The following TYW1B variants were observed in gnomAD, a reference collection of about 807,000 sequenced individuals.
The protein encoded by TYW1B is S-adenosyl-L-methionine-dependent tRNA 4-demethylwyosine synthase TYW1B.
In TYW1B, 73 loss-of-function variants were observed where a neutral mutation model predicts 86.9. That is an observed-to-expected ratio of 0.84 (90% confidence interval 0.70 to 1.02). The LOEUF is 1.02. Among genes scored for constraint, TYW1B ranks in the 50% least tolerant of loss-of-function variants. The pLI, the probability that TYW1B is intolerant of heterozygous loss-of-function variation, is 0.00. For synonymous variants in TYW1B, 248 were observed against 292.8 expected (o/e 0.85, Z 1.56); for missense variants, 637 against 827.4 (o/e 0.77, Z 2.82).
chr7:72,667,485 C>T (rs1169133491), intron 11 of TYW1B, among the ~76,000 whole-genome samples: 2 of 152,090 alleles, frequency 1.3e-5, no homozygotes, highest in African/African-American at 2.4e-5. Context: ...GAGGCCAACC[C>T]GGGCAGATAG....
chr7:72,738,167 A>C (rs1787234118), intron 8 of TYW1B, among the ~76,000 whole-genome samples: 4 of 142,138 alleles, frequency 2.8e-5, no homozygotes, highest in African/African-American at 5.3e-5. Flanking sequence ...TGCAACCTCC[A>C]CCTCCTGGGT....
chr7:72,595,895 G>C (rs1811519261), intron 13 of TYW1B, among the ~76,000 whole-genome samples: 1 of 151,916 alleles, frequency 6.6e-6, no homozygotes, highest in African/African-American at 2.4e-5. Context: ...GTCAACACTG[G>C]CCGGGCACGG....
chr7:72,744,021 C>T (rs1787351315), intron 8 of TYW1B, among the ~76,000 whole-genome samples: 1 of 151,834 alleles, frequency 6.6e-6, no homozygotes, highest in African/African-American at 2.4e-5. Context: ...TGAAACACAA[C>T]ATTCACTGCT....
At chr7:72,576,828 A>T (rs1373060035) in intron 13 of TYW1B, among the ~76,000 whole-genome samples, 1 of 149,318 alleles carries the variant, frequency 6.7e-6, no homozygotes, top group African/African-American at 2.4e-5. Context: ...ACTATCTTTT[A>T]AAAAACTTCG....
At chr7:72,702,833 G>C (rs1814505393) in intron 10 of TYW1B, among the ~76,000 whole-genome samples, 1 of 151,530 alleles carries the variant, frequency 6.6e-6, no homozygotes, top group Non-Finnish European at 1.5e-5. Flanking sequence ...AATTTCCACA[G>C]GTAAAAAAAA....
At chr7:72,607,771 T>A (rs539627622) in intron 13 of TYW1B, among the ~76,000 whole-genome samples, 1 of 151,862 alleles carries the variant, frequency 6.6e-6, no homozygotes. Flanking sequence ...AGAAATAAGA[T>A]GAGGCTGAAA....
chr7:72,590,454 GC>G (rs1428670572), intron 13 of TYW1B, among the ~76,000 whole-genome samples: 6 of 152,166 alleles, frequency 3.9e-5, no homozygotes, highest in Non-Finnish European at 8.8e-5. Flanking sequence ...GACTTCAAGG[GC>G]CAGTGCTTCC....
intron 9 of TYW1B, among the ~76,000 whole-genome samples, chr7:72,720,070 C>A (rs1554457021): frequency 6.6e-6 from 1 of 152,038 alleles, no homozygotes; most frequent in African/African-American, 2.4e-5. Context: ...AAGGTGGTGA[C>A]ACTGGAGGTG....
At chr7:72,586,237 G>A (rs1438956745) in intron 13 of TYW1B, among the ~76,000 whole-genome samples, 4 of 152,180 alleles carry the variant, frequency 2.6e-5, no homozygotes, top group Non-Finnish European at 2.9e-5. Flanking sequence ...TCTCCCAGCA[G>A]GGATGTGTGA....
chr7:72,692,965 A>G (rs1359464549), intron 11 of TYW1B, among the ~76,000 whole-genome samples: 1 of 152,130 alleles, frequency 6.6e-6, no homozygotes, highest in African/African-American at 2.4e-5. Flanking sequence ...TGTCAAAGTA[A>G]GCGCTGGGCA....
In TYW1B at chr7:72,828,110, A is replaced by T; in HGVS notation, c.-35T>A. ...AGCCGACAGGAGACTAGGATCTCGG[A>T]CCTGGAGAGCCCAAAGGTTCGCACT... On this transcript the variant is annotated 5_prime_UTR_variant, in exon 1 of 14. Transcript: ENST00000620995. 2 of 1,613,412 alleles carry T rather than the reference A, an allele frequency of 1.2e-6. No homozygotes were observed. Among genetic ancestry groups the T allele is most frequent in the Non-Finnish European group, 1.7e-6 (2 of 1,179,760 alleles).
At chr7:72,810,445 A>G in intron 4 of TYW1B, 26 bp downstream of exon 4, 1 of 1,584,304 alleles carries the variant, frequency 6.3e-7, no homozygotes, top group South Asian at 1.2e-5. Flanking sequence ...GGGAGAATTT[A>G]TTCCTATAAT....
intron 11 of TYW1B, among the ~76,000 whole-genome samples, chr7:72,629,397 G>T (rs139566544): frequency 6.6e-6 from 1 of 152,176 alleles, no homozygotes; most frequent in African/African-American, 2.4e-5. Flanking sequence ...TTAGTGACAA[G>T]AATTGTTAGC....
chr7:72,731,070 C>G (rs4121333), intron 8 of TYW1B, among the ~76,000 whole-genome samples: 3 of 144,408 alleles, frequency 2.1e-5, no homozygotes. Context: ...CAGCAGATTT[C>G]TCAGCAGAAA....
At chr7:72,770,133 T>G (rs1165946720) in intron 7 of TYW1B, among the ~76,000 whole-genome samples, 5 of 145,012 alleles carry the variant, frequency 3.4e-5, no homozygotes, top group African/African-American at 5.1e-5. Context: ...AAAATGTAAA[T>G]TAAAACCACA....
intron 13 of TYW1B, among the ~76,000 whole-genome samples, chr7:72,598,114 T>C (rs1360602395): frequency 1.3e-5 from 2 of 152,180 alleles, no homozygotes; most frequent in Non-Finnish European, 2.9e-5. Context: ...TTTGAGTCAG[T>C]GGGCTGGGGA....
chr7:72,746,653 A>T (rs1432349269), intron 7 of TYW1B, among the ~76,000 whole-genome samples: 2 of 152,148 alleles, frequency 1.3e-5, no homozygotes, highest in Non-Finnish European at 2.9e-5. Context: ...ATCTAACAGA[A>T]CTACTGTCCT....
At chr7:72,745,080 A>C (rs1193663175) in intron 7 of TYW1B, among the ~76,000 whole-genome samples, 1 of 152,208 alleles carries the variant, frequency 6.6e-6, no homozygotes, top group Non-Finnish European at 1.5e-5. Flanking sequence ...GCTGCAGTGC[A>C]GTGGTGCAAT....
chr7:72,744,564 GTGTGTT>G lies in TYW1B; in HGVS notation c.996_1001del (p.Gln332_Thr333del), dbSNP rs782243232. 1 of 1,613,350 alleles carries G rather than the reference GTGTGTT, an allele frequency of 6.2e-7. No individual in the cohort carries two copies. Among genetic ancestry groups the G allele is most frequent in the African/African-American group, 1.3e-5 (1 of 74,866 alleles). On this transcript the variant is annotated inframe_deletion, in exon 8 of 14. Coordinates refer to ENST00000620995, the MANE Select transcript of TYW1B (RefSeq NM_001145440.3). ...AGCGATGGCTCTCATTCCATAGAAT[GTGTGTT>G]TGTAACAAGCTCCTCTCCCTCGGAG...
Sources: gnomAD v4.1 joint callset for allele counts (sites outside exome capture counted in the v4.1 genomes callset) on GRCh38, gnomAD v4.1.1 for gene constraint, MANE v1.5 for transcripts, NCBI Gene and HGNC (gene_info 2026-07-23, HGNC 2026-07-21) for gene names.